SEMA5A: variants seen among roughly 807,000 people sequenced by gnomAD.
SEMA5A encodes the protein semaphorin 5A.
Under a neutral mutation model 135.5 loss-of-function variants are expected in SEMA5A, and 55 were observed. That is an observed-to-expected ratio of 0.41 (90% confidence interval 0.33 to 0.51). SEMA5A has a LOEUF of 0.51. Among genes scored for constraint, SEMA5A ranks in the 20% least tolerant of loss-of-function variants. The pLI is 0.37. For missense variants in SEMA5A, 1,290 were observed against 1,419.9 expected (o/e 0.91, Z 1.47); for synonymous variants, 580 against 546.5 (o/e 1.06, Z -0.85).
intron 1 of SEMA5A, among the ~76,000 whole-genome samples, chr5:9,510,022 T>C (rs1693817852): frequency 6.6e-6 from 1 of 152,158 alleles, no homozygotes; most frequent in Non-Finnish European, 1.5e-5. Flanking sequence ...GGATAGAATG[T>C]CTAGGGAAGG....
intron 11 of SEMA5A, among the ~76,000 whole-genome samples, chr5:9,185,392 CT>C (rs1284165217): frequency 6.6e-6 from 1 of 152,132 alleles, no homozygotes; most frequent in African/African-American, 2.4e-5. Flanking sequence ...TTATATTCAT[CT>C]ATTAGCTGCC....
chr5:9,491,279 G>T (rs1005118934), intron 1 of SEMA5A, among the ~76,000 whole-genome samples: 10 of 152,044 alleles, frequency 6.6e-5, no homozygotes, highest in African/African-American at 2.2e-4. Context: ...GGGGATTTTC[G>T]GGGCACGAGA....
intron 16 of SEMA5A, among the ~76,000 whole-genome samples, chr5:9,085,465 A>C (rs1343813207): frequency 6.6e-6 from 1 of 152,198 alleles, no homozygotes; most frequent in Non-Finnish European, 1.5e-5. Flanking sequence ...CCATGGCTGA[A>C]AGGGGCCAAC....
At chr5:9,216,220 C>T (rs945330551) in intron 8 of SEMA5A, among the ~76,000 whole-genome samples, 1 of 152,178 alleles carries the variant, frequency 6.6e-6, no homozygotes, top group Non-Finnish European at 1.5e-5. Flanking sequence ...TTCTCGATTT[C>T]TGCCTTAATT....
At position 9,108,279 on chromosome 5, in the gene SEMA5A, T is replaced by G; in HGVS notation, c.1934A>C (p.Asn645Thr). Reference sequence around the variant, plus strand: ...GTGTGGGGGACATAGCAAATGTTCATTGCAGTATCTGTAATGAGGAAACCA... The same window carrying G: ...GTGTGGGGGACATAGCAAATGTTCAGTGCAGTATCTGTAATGAGGAAACCA... Reference protein sequence around the residue: ...VGQNREERYCNEHLLCPPHMF... With the variant: ...VGQNREERYCTEHLLCPPHMF... The change falls in exon 16 of 23, where the codon AAT becomes ACT. Residue 645 changes from asparagine to threonine, a missense_variant. Coordinates refer to ENST00000382496, the MANE Select transcript of SEMA5A (RefSeq NM_003966.3). The G allele has an allele frequency of 6.2e-7, 1 of 1,614,118 alleles. No homozygotes were observed. Among genetic ancestry groups the G allele is most frequent in the South Asian group, 1.1e-5 (1 of 91,072 alleles).
chr5:9,380,153 G>A (rs1755536137), intron 2 of SEMA5A, 130 bp from the exon 3 acceptor site: 1 of 594,494 alleles, frequency 1.7e-6, no homozygotes, highest in Non-Finnish European at 2.8e-6. Flanking sequence ...GGAGGGCTTA[G>A]AGCAGCATAT....
At chr5:9,371,273 T>G (rs1755123754) in intron 3 of SEMA5A, among the ~76,000 whole-genome samples, 1 of 152,174 alleles carries the variant, frequency 6.6e-6, no homozygotes, top group South Asian at 2.1e-4. Context: ...TTATTAATAA[T>G]TTTCAAAACT....
At chr5:9,435,319 T>C (rs1579535359) in intron 2 of SEMA5A, among the ~76,000 whole-genome samples, 1 of 152,262 alleles carries the variant, frequency 6.6e-6, no homozygotes, top group East Asian at 1.9e-4. Flanking sequence ...GGAAATACCA[T>C]CTAAACTTAT....
In SEMA5A at chr5:9,448,257, T is replaced by C. The variant is rs148126401; in HGVS notation, c.-174-10405A>G. Among the ~76,000 whole-genome samples the C allele has an allele frequency of 7.2e-5, 11 of 152,292 alleles. No homozygotes were observed. The East Asian group carries it at 1.9e-3, about 27-fold the overall frequency. On this transcript the variant is annotated intron_variant, in intron 1 of 22. Transcript: ENST00000382496. ...TCAGGAAAGTTCTAAGTTCACCAAT[T>C]ATTAAAGGAGCCAGAGTCTATCCCA...
chr5:9,527,199 T>C (rs1249566551), intron 1 of SEMA5A, among the ~76,000 whole-genome samples: 3 of 151,952 alleles, frequency 2.0e-5, no homozygotes, highest in South Asian at 2.1e-4. Context: ...GGTGGAAGGA[T>C]GCAGCCAGAC....
At chr5:9,469,686 G>A (rs1561278896) in intron 1 of SEMA5A, among the ~76,000 whole-genome samples, 1 of 152,204 alleles carries the variant, frequency 6.6e-6, no homozygotes, top group Admixed American at 6.5e-5. Context: ...GGGTAGACAA[G>A]AGAATGTTTT....
chr5:9,305,329 T>C (rs1751807657), intron 5 of SEMA5A, among the ~76,000 whole-genome samples: 1 of 152,202 alleles, frequency 6.6e-6, no homozygotes, highest in Non-Finnish European at 1.5e-5. Context: ...ACTGAATATT[T>C]CTTTTCTCCT....
At chr5:9,221,373 G>A (rs1369657679) in intron 8 of SEMA5A, among the ~76,000 whole-genome samples, 1 of 147,716 alleles carries the variant, frequency 6.8e-6, no homozygotes. Context: ...CGCGATCTCG[G>A]CTTACTGCAA....
chr5:9,353,126 GGAAA>G (rs1370681163), intron 3 of SEMA5A, among the ~76,000 whole-genome samples: 63 of 56,822 alleles, frequency 1.1e-3, no homozygotes, highest in East Asian at 5.9e-3. Flanking sequence ...GGAAAGGAAA[GGAAA>G]GGAAAGGAAA....
At chr5:9,096,449 T>C (rs946978059) in intron 16 of SEMA5A, among the ~76,000 whole-genome samples, 1 of 152,156 alleles carries the variant, frequency 6.6e-6, no homozygotes, top group African/African-American at 2.4e-5. Flanking sequence ...AATGCACTAT[T>C]TCTCTTTCTT....
intron 19 of SEMA5A, 84 bp downstream of exon 19, chr5:9,054,003 C>T (rs1336292168): frequency 6.9e-7 from 1 of 1,440,850 alleles, no homozygotes; most frequent in Non-Finnish European, 9.3e-7. Flanking sequence ...TACCATGATG[C>T]AGTATCATCA....
At chr5:9,212,135 T>G (rs1433369932) in intron 8 of SEMA5A, among the ~76,000 whole-genome samples, 1 of 152,252 alleles carries the variant, frequency 6.6e-6, no homozygotes, top group African/African-American at 2.4e-5. Flanking sequence ...TTTTCCTCTG[T>G]GTGCAAGCAC....
At chr5:9,203,326 A>G (rs1390406961) in intron 8 of SEMA5A, among the ~76,000 whole-genome samples, 1 of 152,236 alleles carries the variant, frequency 6.6e-6, no homozygotes, top group African/African-American at 2.4e-5. Flanking sequence ...ATATTCACAA[A>G]GACACATTTT....
intron 2 of SEMA5A, among the ~76,000 whole-genome samples, chr5:9,423,147 G>A (rs1249315593): frequency 6.6e-6 from 1 of 152,084 alleles, no homozygotes; most frequent in African/African-American, 2.4e-5. Context: ...TCAGGCTGAG[G>A]GCCACTGTGG....
Sources: gnomAD v4.1 joint callset for allele counts (sites outside exome capture counted in the v4.1 genomes callset) on GRCh38, gnomAD v4.1.1 for gene constraint, MANE v1.5 for transcripts, NCBI Gene and HGNC (gene_info 2026-07-23, HGNC 2026-07-21) for gene names.